The following RELN variants were observed in gnomAD, a reference collection of about 807,000 sequenced individuals.
RELN encodes reelin.
Under a neutral mutation model 427.6 loss-of-function variants are expected in RELN, and 108 were observed. The observed-to-expected ratio is 0.25, with a 90% CI of 0.22 to 0.30. The LOEUF (loss-of-function observed/expected upper bound fraction) is 0.30, where lower values mean the gene tolerates loss of function less well. RELN is among the 10% of genes least tolerant of loss of function. The pLI, the probability that RELN is intolerant of heterozygous loss-of-function variation, is 1.00. For synonymous variants in RELN, 1,524 were observed against 1,513.4 expected (o/e 1.01, Z -0.16); for missense variants, 3,715 against 4,302.8 (o/e 0.86, Z 3.82).
At chr7:103,722,437 G>A (rs1790100384) in intron 8 of RELN, among the ~76,000 whole-genome samples, 3 of 152,070 alleles carry the variant, frequency 2.0e-5, no homozygotes, top group Non-Finnish European at 4.4e-5. Flanking sequence ...GCTCTAATGG[G>A]ACCTAGGCCC....
chr7:103,591,751 T>C (rs1003764910), intron 27 of RELN, among the ~76,000 whole-genome samples: 1 of 152,148 alleles, frequency 6.6e-6, no homozygotes, highest in Non-Finnish European at 1.5e-5. Context: ...GAACTTGAAG[T>C]TCTGTGACAA....
intron 16 of RELN, among the ~76,000 whole-genome samples, chr7:103,645,400 AAG>A (rs1832777761): frequency 6.6e-6 from 1 of 151,816 alleles, no homozygotes; most frequent in Admixed American, 6.6e-5. Flanking sequence ...CTAACTGGTA[AAG>A]ACACTTACAG....
intron 4 of RELN, among the ~76,000 whole-genome samples, chr7:103,773,458 CCTCTCTCT>C (rs767597344): frequency 2.5e-5 from 3 of 120,768 alleles, no homozygotes; most frequent in African/African-American, 9.4e-5. Flanking sequence ...TCGCTCCCTC[CCTCTCTCT>C]CTCTCTCTCT....
chr7:103,632,502 G>A (rs977004777), intron 19 of RELN, among the ~76,000 whole-genome samples: 1 of 152,178 alleles, frequency 6.6e-6, no homozygotes, highest in African/African-American at 2.4e-5. Flanking sequence ...ATTTGGACCT[G>A]GGGAACTTAG....
chr7:103,489,034 A>G (rs1324970258), intron 60 of RELN, among the ~76,000 whole-genome samples: 1 of 152,200 alleles, frequency 6.6e-6, no homozygotes, highest in Non-Finnish European at 1.5e-5. Flanking sequence ...AGAGGCTGAA[A>G]CCTGTTAGAA....
chr7:103,967,447 C>G (rs1052572228), intron 1 of RELN, among the ~76,000 whole-genome samples: 1 of 152,218 alleles, frequency 6.6e-6, no homozygotes, highest in Admixed American at 6.5e-5. Context: ...CCAGGACAAC[C>G]CTAGAGCAGT....
intron 1 of RELN, among the ~76,000 whole-genome samples, chr7:103,984,063 A>G (rs898087788): frequency 6.6e-6 from 1 of 152,298 alleles, no homozygotes; most frequent in Middle Eastern, 3.4e-3. Context: ...GATCAGAAAA[A>G]CAATTATGGC....
intron 52 of RELN, among the ~76,000 whole-genome samples, chr7:103,502,262 GTAATAA>G (rs146215793): frequency 0.053 from 8,026 of 151,834 alleles, 245 homozygotes; most frequent in South Asian, 0.11. Context: ...ACCCTGAGTG[GTAATAA>G]TAATAATAAT....
intron 7 of RELN, among the ~76,000 whole-genome samples, chr7:103,726,790 A>T (rs763503324): frequency 8.0e-4 from 122 of 152,302 alleles, no homozygotes; most frequent in Admixed American, 3.8e-3. Context: ...ATAGATAATT[A>T]ATTCTGTCAT....
chr7:103,494,394 G>A (rs10232873), intron 57 of RELN, among the ~76,000 whole-genome samples: 13 of 134,544 alleles, frequency 9.7e-5, no homozygotes, highest in Admixed American at 2.9e-4. Context: ...TGTGTGTGTG[G>A]GATATGGTCT....
At chr7:103,670,044 G>GT (rs911756925) in intron 11 of RELN, among the ~76,000 whole-genome samples, 13 of 152,138 alleles carry the variant, frequency 8.5e-5, no homozygotes, top group African/African-American at 2.4e-4. Flanking sequence ...AAGGTTTTCT[G>GT]TTTTTTCTGC....
At chr7:103,578,484 GT>G (rs1192456808) in intron 28 of RELN, among the ~76,000 whole-genome samples, 1 of 152,134 alleles carries the variant, frequency 6.6e-6, no homozygotes, top group Non-Finnish European at 1.5e-5. Context: ...TTGCTAGTTT[GT>G]TTTTTGTTGA....
chr7:103,648,735 CTTG>C (rs1291426543), intron 16 of RELN, among the ~76,000 whole-genome samples: 1 of 151,820 alleles, frequency 6.6e-6, no homozygotes, highest in East Asian at 1.9e-4. Flanking sequence ...ACTCAAATAC[CTTG>C]ACAAGAAAAA....
At chr7:103,498,495 TC>T (rs1260591742) in intron 53 of RELN, among the ~76,000 whole-genome samples, 1 of 115,244 alleles carries the variant, frequency 8.7e-6, no homozygotes, top group African/African-American at 5.4e-5. Context: ...GTTGACTATA[TC>T]AATTTTTTTT....
chr7:103,558,046 C>G lies in RELN; in HGVS notation c.5533G>C (p.Gly1845Arg). ...TCTCTTGAAATAAGCATCCTTAGTC[C>G]TTCCTGAAAATAAAAACATATACGT... is the stretch of plus-strand genomic sequence containing the variant. ...SGTSLIFKGEGLRMLISRDLD... is the reference protein window; with the variant it reads ...SGTSLIFKGERLRMLISRDLD... Residue 1845 changes from glycine (G) to arginine (R), a missense_variant, in exon 37 of 65, where the codon GGA becomes CGA. Physicochemically the swap from Gly to Arg is moderately radical, Grantham distance 125. Transcript: ENST00000428762. The G allele has an allele frequency of 1.3e-6, 2 of 1,494,398 alleles. No individual in the cohort carries two copies. The highest frequency in any genetic ancestry group is 1.9e-6 in the Non-Finnish European group (2 of 1,071,664). The allele number at this position is 1,494,398 out of a possible 1,614,324, so 92.6% of individuals were successfully genotyped here. A position where few individuals can be genotyped will look rare whatever the true frequency, so the allele number is the denominator to read the frequency against.
chr7:103,479,232 G>A (rs1043162317), intron 63 of RELN, among the ~76,000 whole-genome samples: 2 of 152,128 alleles, frequency 1.3e-5, no homozygotes, highest in African/African-American at 2.4e-5. Flanking sequence ...AAATGGTTAA[G>A]ACAACAAATT....
At position 103,603,537 on chromosome 7, in the gene RELN, A is replaced by G. The variant is rs1162781463; in HGVS notation, c.3147-47T>C. 2 of 1,391,772 alleles carry G rather than the reference A, an allele frequency of 1.4e-6. No individual in the cohort carries two copies. The highest frequency in any genetic ancestry group is 1.0e-6 in the Non-Finnish European group (1 of 977,846). 86.2% of individuals were successfully genotyped at this position (1,391,772 alleles called of 1,614,324 possible). A position where few individuals can be genotyped will look rare whatever the true frequency, so the allele number is the denominator to read the frequency against. On this transcript the variant is annotated intron_variant, in intron 23 of 64. Coordinates refer to ENST00000428762, the MANE Select transcript of RELN (RefSeq NM_005045.4). The surrounding 1 kb of genome is among the most constrained non-coding windows in gnomAD (Gnocchi z 4.3). ...TAGGCAGGTTACAGGCCCACCTGCC[A>G]ATGCAATGGCCCTCTGACCTCAACC...
intron 1 of RELN, among the ~76,000 whole-genome samples, chr7:103,972,732 A>T (rs6971036): frequency 0.7 from 106,340 of 152,114 alleles, 37,747 homozygotes; most frequent in African/African-American, 0.82. Flanking sequence ...AAGGGTGAGA[A>T]GAGAACTGAG....
chr7:103,891,072 ACT>A (rs1397069307), intron 2 of RELN, among the ~76,000 whole-genome samples: 3 of 151,994 alleles, frequency 2.0e-5, no homozygotes, highest in Non-Finnish European at 4.4e-5. Context: ...ACAGAGCAAG[ACT>A]CTGTCTCAAA....
Sources: gnomAD v4.1 joint callset for allele counts (sites outside exome capture counted in the v4.1 genomes callset) on GRCh38, gnomAD v4.1.1 for gene constraint, Gnocchi (gnomAD v3.1) non-coding constraint, MANE v1.5 for transcripts, NCBI Gene and HGNC (gene_info 2026-07-23, HGNC 2026-07-21) for gene names.